The following CTNNA3 variants were observed in gnomAD, a reference collection of about 807,000 sequenced individuals.
CTNNA3 encodes the protein catenin alpha-3.
In CTNNA3, 76 loss-of-function variants were observed where a neutral mutation model predicts 95.7. The observed-to-expected ratio is 0.79, with a 90% confidence interval of 0.66 to 0.96. The LOEUF is 0.96. Ranked by LOEUF, CTNNA3 falls within the 40% of genes least tolerant of loss-of-function variation. The pLI is 0.00. For synonymous variants in CTNNA3, 431 were observed against 374.4 expected, an observed-to-expected ratio of 1.15 and a Z score of -1.74; for missense variants, 1,191 against 1,089.8, an observed-to-expected ratio of 1.09 and a Z score of -1.31.
chr10:66,063,854 A>G (rs2080259781), intron 15 of CTNNA3, among the ~76,000 whole-genome samples: 1 of 152,068 alleles, frequency 6.6e-6, no homozygotes, highest in South Asian at 2.1e-4. Flanking sequence ...TCTATGTAGC[A>G]AAGTATGTTA....
intron 10 of CTNNA3, among the ~76,000 whole-genome samples, chr10:66,563,030 G>A (rs1842601190): frequency 6.6e-6 from 1 of 152,016 alleles, no homozygotes; most frequent in Non-Finnish European, 1.5e-5. Context: ...AATTCCTATT[G>A]CTTTTTATGT....
chr10:66,756,770 C>G (rs953422124), intron 9 of CTNNA3, among the ~76,000 whole-genome samples: 6 of 152,104 alleles, frequency 3.9e-5, no homozygotes, highest in Admixed American at 6.6e-5. Context: ...AGTTCCCTTC[C>G]TGTATTTTAC....
At chr10:66,567,558 G>A (rs549291136) in intron 10 of CTNNA3, among the ~76,000 whole-genome samples, 1 of 152,172 alleles carries the variant, frequency 6.6e-6, no homozygotes, top group Non-Finnish European at 1.5e-5. Flanking sequence ...AGTAGAGACT[G>A]CGGTGAATCA....
chr10:67,133,851 G>C (rs1369530206), intron 7 of CTNNA3, among the ~76,000 whole-genome samples: 33 of 152,018 alleles, frequency 2.2e-4, no homozygotes, highest in Admixed American at 2.2e-3. Flanking sequence ...ATTTGATAAT[G>C]ATTTTCTTTA....
chr10:67,564,663 A>ATATGTGTGTGTG lies in CTNNA3; in HGVS notation c.293-24995_293-24994insCACACACACATA, dbSNP rs1554854230. Reference sequence around the variant, plus strand: ...ATAACAACTGTATATATATGCATATATGTGTGTGTGTGTGTATATATATAT... The same window carrying ATATGTGTGTGTG: ...ATAACAACTGTATATATATGCATATATATGTGTGTGTGTGTGTGTGTGTGTGTATATATATAT... On this transcript the variant is annotated intron_variant, in intron 3 of 17. Transcript: ENST00000433211. 5.9e-4 allele frequency among the ~76,000 whole-genome samples: 56 copies of ATATGTGTGTGTG among 95,498 alleles called. 3 individuals carry two copies. The highest frequency in any genetic ancestry group is 2.6e-3 in the African/African-American group (52 of 19,862). 62.7% of individuals were successfully genotyped at this position (95,498 alleles called of 152,430 possible).
intron 7 of CTNNA3, among the ~76,000 whole-genome samples, chr10:67,164,186 G>A (rs1861665971): frequency 6.6e-6 from 1 of 151,970 alleles, no homozygotes; most frequent in African/African-American, 2.4e-5. Flanking sequence ...GAAATTAATA[G>A]GAATAACTCT....
intron 5 of CTNNA3, among the ~76,000 whole-genome samples, chr10:67,229,908 A>G (rs760053517): frequency 6.6e-6 from 1 of 152,212 alleles, no homozygotes; most frequent in Non-Finnish European, 1.5e-5. Flanking sequence ...AAAGCAATCT[A>G]CAAATTTAAT....
intron 9 of CTNNA3, among the ~76,000 whole-genome samples, chr10:66,710,615 T>C (rs10997330): frequency 0.032 from 4,890 of 151,974 alleles, 202 homozygotes; most frequent in East Asian, 0.22. Flanking sequence ...ATAAGCTTAG[T>C]TGAATTTAGA....
At chr10:66,396,022 T>C (rs1341484556) in intron 11 of CTNNA3, among the ~76,000 whole-genome samples, 1 of 152,036 alleles carries the variant, frequency 6.6e-6, no homozygotes, top group Non-Finnish European at 1.5e-5. Flanking sequence ...CACTTGTAAG[T>C]GAGAACTTGT....
intron 7 of CTNNA3, among the ~76,000 whole-genome samples, chr10:66,784,572 A>T (rs1840664547): frequency 6.6e-6 from 1 of 152,144 alleles, no homozygotes; most frequent in African/African-American, 2.4e-5. Context: ...AATATTTGAA[A>T]ATCTCCATCT....
chr10:66,590,797 G>T (rs1843523278), intron 10 of CTNNA3, among the ~76,000 whole-genome samples: 1 of 151,654 alleles, frequency 6.6e-6, no homozygotes, highest in South Asian at 2.1e-4. Flanking sequence ...AATTATAAAG[G>T]CCATAAAATA....
intron 3 of CTNNA3, among the ~76,000 whole-genome samples, chr10:67,563,680 G>C (rs1440379821): frequency 2.0e-5 from 3 of 152,098 alleles, no homozygotes; most frequent in Admixed American, 6.5e-5. Flanking sequence ...CACAGCAAAA[G>C]AAACTACCAT....
intron 1 of CTNNA3, among the ~76,000 whole-genome samples, chr10:67,744,680 G>A (rs1394117879): frequency 6.6e-6 from 1 of 151,088 alleles, no homozygotes; most frequent in East Asian, 1.9e-4. Flanking sequence ...AAGAGTTTCT[G>A]CACAGCAAAA....
chr10:66,337,986 G>T (rs1193213867), intron 12 of CTNNA3, among the ~76,000 whole-genome samples: 1 of 151,930 alleles, frequency 6.6e-6, no homozygotes, highest in Non-Finnish European at 1.5e-5. Flanking sequence ...TTCATGTAAA[G>T]ACTTGTAGAG....
chr10:66,492,495 C>A (rs907997201), intron 11 of CTNNA3, among the ~76,000 whole-genome samples: 1 of 151,478 alleles, frequency 6.6e-6, no homozygotes, highest in African/African-American at 2.4e-5. Flanking sequence ...GCTATGTTGC[C>A]CAGGTCACCA....
At chr10:66,017,681 C>T (rs2079120974) in intron 15 of CTNNA3, among the ~76,000 whole-genome samples, 1 of 152,048 alleles carries the variant, frequency 6.6e-6, no homozygotes, top group Admixed American at 6.5e-5. Flanking sequence ...TAGGATGGAT[C>T]ATCCTAAATA....
intron 14 of CTNNA3, among the ~76,000 whole-genome samples, chr10:66,084,618 T>C (rs7923622): frequency 0.52 from 79,445 of 151,812 alleles, 21,251 homozygotes; most frequent in South Asian, 0.6. Context: ...CTCATCTTGA[T>C]TAGTTGAAAA....
At chr10:66,632,249 A>G (rs866463313) in intron 9 of CTNNA3, among the ~76,000 whole-genome samples, 1 of 152,016 alleles carries the variant, frequency 6.6e-6, no homozygotes, top group Non-Finnish European at 1.5e-5. Flanking sequence ...GCTGGCAAAT[A>G]AGTTTTATAA....
chr10:66,400,797 T>A (rs1834100206), intron 11 of CTNNA3, among the ~76,000 whole-genome samples: 1 of 152,174 alleles, frequency 6.6e-6, no homozygotes, highest in Admixed American at 6.6e-5. Flanking sequence ...TGATACCTAT[T>A]TTCTCTTCCA....
Sources: gnomAD v4.1 joint callset for allele counts (sites outside exome capture counted in the v4.1 genomes callset) on GRCh38, gnomAD v4.1.1 for gene constraint, MANE v1.5 for transcripts, NCBI Gene and HGNC (gene_info 2026-07-23, HGNC 2026-07-21) for gene names.